PTBP2: variants seen among roughly 807,000 people sequenced by gnomAD.
The protein encoded by PTBP2 is polypyrimidine tract-binding protein 2.
Under a neutral mutation model 61.4 loss-of-function variants are expected in PTBP2, and 13 were observed. The ratio of observed to expected loss-of-function variants is 0.21; its 90% CI spans 0.14 to 0.34. PTBP2 has a LOEUF of 0.34. Among genes scored for constraint, PTBP2 ranks in the 10% least tolerant of loss-of-function variants. The pLI is 1.00. For missense variants in PTBP2, 405 were observed against 642.6 expected (o/e 0.63, Z 4.00); for synonymous variants, 215 against 218.5 (o/e 0.98, Z 0.14).
intron 3 of PTBP2, among the ~76,000 whole-genome samples, chr1:96,759,874 C>T (rs1389683393): frequency 6.6e-6 from 1 of 152,112 alleles, no homozygotes; most frequent in African/African-American, 2.4e-5. Context: ...AATGAATTTA[C>T]AATTCTATGT....
At chr1:96,789,222 G>A (rs1426919387) in intron 8 of PTBP2, among the ~76,000 whole-genome samples, 4 of 151,098 alleles carry the variant, frequency 2.6e-5, no homozygotes, top group East Asian at 3.9e-4. Flanking sequence ...TGAATAACAG[G>A]CATTCTCATC....
downstream of PTBP2, chr1:96,816,993 C>G (rs1352594394): frequency 6.6e-6 from 1 of 152,086 alleles, no homozygotes; most frequent in Admixed American, 6.6e-5. Flanking sequence ...TTACTAGTTT[C>G]ATAAAGCAGA....
At chr1:96,810,342 T>G (rs996652761) in intron 11 of PTBP2, among the ~76,000 whole-genome samples, 2 of 152,220 alleles carry the variant, frequency 1.3e-5, no homozygotes, top group African/African-American at 4.8e-5. Flanking sequence ...GGTAATTTCC[T>G]TCTGCTCTGT....
chr1:96,815,828 C>A (rs1036025217), downstream of PTBP2: 1 of 152,258 alleles, frequency 6.6e-6, no homozygotes, highest in Non-Finnish European at 1.5e-5. Flanking sequence ...GCTAGGTGAT[C>A]TGTGTTTTTT....
chr1:96,785,327 T>TC, intron 8 of PTBP2, 73 bp downstream of exon 8: 1 of 1,226,388 alleles, frequency 8.2e-7, no homozygotes. Flanking sequence ...GTATAATGAA[T>TC]CCCCCCATTT....
chr1:96,744,298 A>G (rs1653453534), intron 2 of PTBP2, among the ~76,000 whole-genome samples: 1 of 152,160 alleles, frequency 6.6e-6, no homozygotes, highest in Admixed American at 6.5e-5. Context: ...ATAAAAGTAA[A>G]CGAGAACTTC....
chr1:96,787,932 T>C (rs1659386277), intron 8 of PTBP2, among the ~76,000 whole-genome samples: 1 of 151,730 alleles, frequency 6.6e-6, no homozygotes, highest in Non-Finnish European at 1.5e-5. Flanking sequence ...ATTAGAATTA[T>C]TGGGTCAAAG....
At chr1:96,760,671 T>G (rs115185512) in intron 3 of PTBP2, among the ~76,000 whole-genome samples, 100 of 152,230 alleles carry the variant, frequency 6.6e-4, no homozygotes, top group Non-Finnish European at 1.2e-3. Context: ...GGTCTTGCTC[T>G]CTTGACGTTG....
In PTBP2 at chr1:96,752,257, A is replaced by G. The variant is rs192967492; in HGVS notation, c.115+757A>G. Among the ~76,000 whole-genome samples, 271 of 151,960 alleles carry G rather than the reference A, an allele frequency of 1.8e-3. 2 individuals carry two copies. The highest frequency in any genetic ancestry group is 3.4e-3 in the Non-Finnish European group (232 of 67,926). ...TATTATCAAATGAATTTACCTCACA[A>G]CTCCACATTTTACATTATTTACCTG... On this transcript the variant is annotated intron_variant, in intron 3 of 13. Coordinates refer to ENST00000674951, the MANE Select transcript of PTBP2 (RefSeq NM_021190.4).
At chr1:96,754,912 A>G (rs1018727929) in intron 3 of PTBP2, among the ~76,000 whole-genome samples, 3 of 152,204 alleles carry the variant, frequency 2.0e-5, no homozygotes, top group African/African-American at 7.2e-5. Flanking sequence ...CTAGAAAAAA[A>G]TACAGAAAAT....
chr1:96,804,908 C>T lies in PTBP2; in HGVS notation c.1013C>T (p.Thr338Ile), dbSNP rs748691605. ...GMPGVSAGGNTVLLVSNLNEE... is the reference protein window; with the variant it reads ...GMPGVSAGGNIVLLVSNLNEE... ...CCTGGAGTCTCAGCTGGTGGCAATA[C>T]AGTCCTGTTGGTTAGCAATTTAAAT... The change falls in exon 9 of 14, where the codon ACA becomes ATA. Residue 338 changes from threonine (T) to isoleucine (I), a missense_variant. By Grantham distance (89) the Thr-to-Ile change is moderately conservative (BLOSUM62 -1). This residue lies in a region of PTBP2 where 342 missense variants were observed against 491.2 expected (regional missense o/e 0.70). Coordinates refer to ENST00000674951, the MANE Select transcript of PTBP2 (RefSeq NM_021190.4). 5 of 1,607,668 alleles carry T rather than the reference C, an allele frequency of 3.1e-6. No individual in the cohort carries two copies. In the South Asian group the frequency reaches 5.5e-5, roughly 18 times the overall value.
chr1:96,791,710 C>A (rs1659816735), intron 8 of PTBP2, among the ~76,000 whole-genome samples: 1 of 151,998 alleles, frequency 6.6e-6, no homozygotes, highest in Non-Finnish European at 1.5e-5. Context: ...AGTTTGGCTC[C>A]ACTATCAAAA....
intron 3 of PTBP2, among the ~76,000 whole-genome samples, chr1:96,765,217 A>G (rs1012747746): frequency 2.6e-5 from 4 of 152,040 alleles, no homozygotes; most frequent in African/African-American, 9.7e-5. Flanking sequence ...TTTGCCTCTC[A>G]GTTTCATATT....
At chr1:96,743,056 G>A (rs1026884259) in intron 2 of PTBP2, among the ~76,000 whole-genome samples, 3 of 152,134 alleles carry the variant, frequency 2.0e-5, no homozygotes, top group Non-Finnish European at 4.4e-5. Context: ...GGAGGCTGAG[G>A]CGGGCAGATC....
chr1:96,815,537 G>C (rs1004977328), downstream of PTBP2: 2 of 152,032 alleles, frequency 1.3e-5, no homozygotes, highest in Non-Finnish European at 2.9e-5. Context: ...ATTTCGGTCA[G>C]TTTTTCTAAA....
intron 2 of PTBP2, among the ~76,000 whole-genome samples, chr1:96,735,538 G>A (rs1164702074): frequency 6.6e-6 from 1 of 152,072 alleles, no homozygotes; most frequent in African/African-American, 2.4e-5. Flanking sequence ...GAGAATGGTT[G>A]TTGTTGTAGT....
intron 7 of PTBP2, among the ~76,000 whole-genome samples, chr1:96,782,162 C>G (rs888214062): frequency 6.6e-6 from 1 of 151,806 alleles, no homozygotes; most frequent in African/African-American, 2.4e-5. Flanking sequence ...AGAAACATGT[C>G]TTTATTAGGA....
chr1:96,763,654 G>C (rs1656312820), intron 3 of PTBP2, among the ~76,000 whole-genome samples: 1 of 151,108 alleles, frequency 6.6e-6, no homozygotes, highest in Non-Finnish European at 1.5e-5. Flanking sequence ...TTTTAACTAT[G>C]CTTTAGGGAT....
At chr1:96,788,489 A>G (rs1323640847) in intron 8 of PTBP2, among the ~76,000 whole-genome samples, 1 of 152,064 alleles carries the variant, frequency 6.6e-6, no homozygotes, top group Non-Finnish European at 1.5e-5. Context: ...GAGTGAGGTC[A>G]TGCCTTTTAG....
Sources: gnomAD v4.1 joint callset for allele counts (sites outside exome capture counted in the v4.1 genomes callset) on GRCh38, gnomAD v4.1.1 for gene constraint, gnomAD v4.1.1 regional missense constraint, MANE v1.5 for transcripts, NCBI Gene and HGNC (gene_info 2026-07-23, HGNC 2026-07-21) for gene names.